Variants in LRRC4C observed in about 807,000 individuals in gnomAD.
LRRC4C encodes the protein leucine-rich repeat-containing protein 4C.
Under a neutral mutation model 33.6 loss-of-function variants are expected in LRRC4C, and 5 were observed. The ratio of observed to expected loss-of-function variants is 0.15; its 90% CI spans 0.08 to 0.31. LRRC4C has a LOEUF of 0.31. LRRC4C is among the 10% of genes least tolerant of loss of function. The probability of loss-of-function intolerance (pLI) is 1.00; values close to 1 mark genes in which losing one functional copy is unlikely to be tolerated. For missense variants in LRRC4C, 560 were observed against 796.7 expected (o/e 0.70, Z 3.58); for synonymous variants, 329 against 302.0 (o/e 1.09, Z -0.93).
chr11:40,937,294 A>G (rs755163467), intron 1 of LRRC4C, among the ~76,000 whole-genome samples: 23 of 149,310 alleles, frequency 1.5e-4, no homozygotes, highest in Non-Finnish European at 2.8e-4. Flanking sequence ...TGTTGGAACA[A>G]CAGATGCTGC....
intron 1 of LRRC4C, among the ~76,000 whole-genome samples, chr11:41,332,097 G>A (rs566952970): frequency 1.7e-4 from 26 of 151,962 alleles, no homozygotes; most frequent in African/African-American, 5.5e-4. Flanking sequence ...CCATAACCCC[G>A]GGACTTAGAA....
At chr11:40,686,921 G>C (rs1160378522) in intron 2 of LRRC4C, among the ~76,000 whole-genome samples, 3 of 152,014 alleles carry the variant, frequency 2.0e-5, no homozygotes, top group African/African-American at 7.2e-5. Flanking sequence ...CCACAGACCA[G>C]TGGCAATCAT....
At chr11:40,896,802 C>G (rs777713022) in intron 2 of LRRC4C, among the ~76,000 whole-genome samples, 6 of 152,088 alleles carry the variant, frequency 3.9e-5, no homozygotes, top group Non-Finnish European at 8.8e-5. Flanking sequence ...GTATGCGCAT[C>G]TACTTACAAT....
At chr11:40,216,171 G>C (rs1162294990) in intron 5 of LRRC4C, among the ~76,000 whole-genome samples, 1 of 152,112 alleles carries the variant, frequency 6.6e-6, no homozygotes, top group Non-Finnish European at 1.5e-5. Context: ...TTATCTTGGA[G>C]TGTTGCTCTC....
At chr11:40,357,163 A>G (rs1947707453) in intron 3 of LRRC4C, among the ~76,000 whole-genome samples, 1 of 152,188 alleles carries the variant, frequency 6.6e-6, no homozygotes, top group East Asian at 1.9e-4. Context: ...GGAAAGGGCA[A>G]GAATTTTAAA....
At chr11:40,191,149 C>T (rs1370762772) in intron 5 of LRRC4C, among the ~76,000 whole-genome samples, 4 of 152,054 alleles carry the variant, frequency 2.6e-5, no homozygotes, top group Non-Finnish European at 5.9e-5. Context: ...AGGAAAATGG[C>T]CCCATGTGAT....
At chr11:41,309,205 C>T (rs939050540) in intron 1 of LRRC4C, among the ~76,000 whole-genome samples, 2 of 152,138 alleles carry the variant, frequency 1.3e-5, no homozygotes, top group African/African-American at 2.4e-5. Flanking sequence ...AAACGCAGCC[C>T]GCAGTGACAA....
At chr11:41,090,881 T>C (rs187151062) in intron 1 of LRRC4C, among the ~76,000 whole-genome samples, 47 of 152,272 alleles carry the variant, frequency 3.1e-4, no homozygotes, top group African/African-American at 1.1e-3. Flanking sequence ...TCCTGAGGCC[T>C]CCTCAGCCAG....
chr11:40,409,455 C>T (rs1025854845), intron 3 of LRRC4C, among the ~76,000 whole-genome samples: 1 of 151,870 alleles, frequency 6.6e-6, no homozygotes, highest in African/African-American at 2.4e-5. Context: ...AAGAGACAAC[C>T]TATAAAATGG....
At chr11:41,230,152 G>A (rs1947719706) in intron 1 of LRRC4C, among the ~76,000 whole-genome samples, 1 of 151,956 alleles carries the variant, frequency 6.6e-6, no homozygotes, top group African/African-American at 2.4e-5. Flanking sequence ...TAGTCTTCTT[G>A]AAAAACCTAG....
chr11:40,912,713 A>C (rs1373115174), intron 2 of LRRC4C, among the ~76,000 whole-genome samples: 1 of 152,170 alleles, frequency 6.6e-6, no homozygotes, highest in Non-Finnish European at 1.5e-5. Context: ...CCTTAAATGT[A>C]AATGGGCTAA....
intron 1 of LRRC4C, among the ~76,000 whole-genome samples, chr11:41,446,138 G>T (rs1456166647): frequency 6.6e-6 from 1 of 152,138 alleles, no homozygotes; most frequent in Non-Finnish European, 1.5e-5. Context: ...CTCTGCAGTT[G>T]CAAAGATATC....
At chr11:41,408,755 A>AAAAAAAAAAAAAAAAC (rs1191106845) in intron 1 of LRRC4C, among the ~76,000 whole-genome samples, 2 of 148,012 alleles carry the variant, frequency 1.4e-5, no homozygotes, top group African/African-American at 5.3e-5. Context: ...TGTAAAAAAA[A>AAAAAAAAAAAAAAAAC]AAAAAAAAAA....
At chr11:40,706,450 G>C (rs531601608) in intron 2 of LRRC4C, among the ~76,000 whole-genome samples, 5 of 152,064 alleles carry the variant, frequency 3.3e-5, no homozygotes, top group Non-Finnish European at 2.9e-5. Flanking sequence ...TTCCCAGCAT[G>C]ATTTATTAAA....
intron 6 of LRRC4C, among the ~76,000 whole-genome samples, chr11:40,139,375 G>A (rs774858117): frequency 1.2e-4 from 18 of 152,162 alleles, no homozygotes; most frequent in Non-Finnish European, 2.2e-4. Context: ...GAGACTGTTA[G>A]GGACAATACT....
intron 2 of LRRC4C, among the ~76,000 whole-genome samples, chr11:40,822,350 T>A (rs868349538): frequency 6.6e-6 from 1 of 151,828 alleles, no homozygotes. Flanking sequence ...TTTTTTTTTT[T>A]TTATCGCTGA....
intron 1 of LRRC4C, among the ~76,000 whole-genome samples, chr11:41,347,975 G>T (rs1162159655): frequency 1.3e-5 from 2 of 152,106 alleles, no homozygotes; most frequent in African/African-American, 4.8e-5. Context: ...GGGATTGTAG[G>T]GTGATTTGGT....
chr11:41,215,862 G>A (rs746427364), intron 1 of LRRC4C, among the ~76,000 whole-genome samples: 12 of 152,124 alleles, frequency 7.9e-5, no homozygotes, highest in Non-Finnish European at 1.5e-4. Context: ...CATTTTGGGG[G>A]ACATATGCTT....
chr11:40,583,254 C>T (rs1958557866), intron 3 of LRRC4C, among the ~76,000 whole-genome samples: 1 of 152,100 alleles, frequency 6.6e-6, no homozygotes, highest in Non-Finnish European at 1.5e-5. Context: ...CAGTTTAAAC[C>T]ACCTATTTCC....
Sources: allele counts gnomAD v4.1 joint callset (sites outside exome capture counted in the v4.1 genomes callset), GRCh38; gene constraint gnomAD v4.1.1; transcripts MANE v1.5; gene names NCBI Gene and HGNC (gene_info 2026-07-23, HGNC 2026-07-21).